The following LRRC3B variants were observed in gnomAD, a reference collection of about 807,000 sequenced individuals.
LRRC3B encodes leucine-rich repeat-containing protein 3B.
In LRRC3B, 2 loss-of-function variants were observed where a neutral mutation model predicts 12.8. The observed-to-expected ratio is 0.16, with a 90% CI of 0.06 to 0.49. LRRC3B has a LOEUF of 0.49. LRRC3B is among the 20% of genes least tolerant of loss of function. LRRC3B has a pLI of 0.96. For synonymous variants in LRRC3B, 132 were observed against 122.0 expected, an observed-to-expected ratio of 1.08 and a Z score of -0.54; for missense variants, 189 against 319.4, an observed-to-expected ratio of 0.59 and a Z score of 3.11.
chr3:26,668,072 C>A (rs1699645036), intron 1 of LRRC3B, among the ~76,000 whole-genome samples: 1 of 151,988 alleles, frequency 6.6e-6, no homozygotes, highest in Non-Finnish European at 1.5e-5. Context: ...TGGGGCATTT[C>A]TGGGTTGCAG....
At chr3:26,626,115 T>G (rs1698619646) in intron 1 of LRRC3B, among the ~76,000 whole-genome samples, 1 of 152,224 alleles carries the variant, frequency 6.6e-6, no homozygotes, top group Non-Finnish European at 1.5e-5. Flanking sequence ...TGTGAGCCCC[T>G]GTGACTAGAG....
intron 1 of LRRC3B, among the ~76,000 whole-genome samples, chr3:26,681,267 G>C (rs938613091): frequency 6.6e-6 from 1 of 152,134 alleles, no homozygotes; most frequent in Admixed American, 6.5e-5. Flanking sequence ...TGTTGATTTC[G>C]TGGGGAGAAA....
intron 1 of LRRC3B, among the ~76,000 whole-genome samples, chr3:26,686,772 G>A (rs750461078): frequency 5.3e-5 from 8 of 152,148 alleles, no homozygotes; most frequent in Non-Finnish European, 1.0e-4. Flanking sequence ...AATGGGGTGG[G>A]AAGGAATGGC....
chr3:26,674,600 G>T (rs967783256), intron 1 of LRRC3B, among the ~76,000 whole-genome samples: 4 of 152,004 alleles, frequency 2.6e-5, no homozygotes, highest in Non-Finnish European at 5.9e-5. Context: ...ATGGAAGCAG[G>T]GCCTATATTC....
intron 1 of LRRC3B, among the ~76,000 whole-genome samples, chr3:26,642,120 G>T (rs1017882654): frequency 4.6e-5 from 7 of 152,160 alleles, no homozygotes; most frequent in African/African-American, 1.7e-4. Context: ...GAAAACAGTT[G>T]AATTCTCATA....
intron 1 of LRRC3B, among the ~76,000 whole-genome samples, chr3:26,682,931 C>T (rs1256661500): frequency 6.6e-6 from 1 of 152,192 alleles, no homozygotes; most frequent in Non-Finnish European, 1.5e-5. Flanking sequence ...AATTTATACC[C>T]TGTGTTTCTC....
At chr3:26,675,315 T>G (rs1326591394) in intron 1 of LRRC3B, among the ~76,000 whole-genome samples, 1 of 152,110 alleles carries the variant, frequency 6.6e-6, no homozygotes, top group Non-Finnish European at 1.5e-5. Context: ...ACTGACAAGG[T>G]TGAGGTTGTG....
intron 1 of LRRC3B, among the ~76,000 whole-genome samples, chr3:26,698,935 T>G (rs985992460): frequency 1.3e-5 from 2 of 152,178 alleles, no homozygotes; most frequent in East Asian, 1.9e-4. Context: ...CTTTCTAGCA[T>G]TTTCTTTAAA....
chr3:26,643,209 A>AG (rs962541286), intron 1 of LRRC3B, among the ~76,000 whole-genome samples: 1 of 152,014 alleles, frequency 6.6e-6, no homozygotes, highest in Non-Finnish European at 1.5e-5. Flanking sequence ...GGAGGGACTC[A>AG]GGAATCCAGA....
chr3:26,672,506 G>GAAAC (rs1194018640), intron 1 of LRRC3B, among the ~76,000 whole-genome samples: 3 of 152,184 alleles, frequency 2.0e-5, no homozygotes, highest in Non-Finnish European at 1.5e-5. Context: ...CTTTCCTTTT[G>GAAAC]AAACAGAAGG....
intron 1 of LRRC3B, among the ~76,000 whole-genome samples, chr3:26,683,201 C>A (rs1204277002): frequency 6.6e-6 from 1 of 152,144 alleles, no homozygotes; most frequent in Non-Finnish European, 1.5e-5. Flanking sequence ...AAGAGGGCAG[C>A]AGTTTAAAAT....
At chr3:26,668,368 G>C (rs1382174016) in intron 1 of LRRC3B, among the ~76,000 whole-genome samples, 1 of 152,060 alleles carries the variant, frequency 6.6e-6, no homozygotes, top group Non-Finnish European at 1.5e-5. Flanking sequence ...AGATTTGGGG[G>C]CCATGAAATT....
rs553910997 is a variant in LRRC3B at position 26,685,067 on chromosome 3, C to T, written c.-160-24446C>T. Among the ~76,000 whole-genome samples, 146 of 152,258 alleles carry T rather than the reference C, an allele frequency of 9.6e-4. 1 individual carries two copies. Among genetic ancestry groups the T allele is most frequent in the African/African-American group, 3.4e-3 (141 of 41,556 alleles). ...CTCCAGGCTTCAACCAATTCTCCTGCCTGAGCCTCCTGCGTAGCTGGGATT... is the reference window on the plus strand; with the variant it reads ...CTCCAGGCTTCAACCAATTCTCCTGTCTGAGCCTCCTGCGTAGCTGGGATT... On this transcript the variant is annotated intron_variant, in intron 1 of 1. Coordinates refer to ENST00000396641, the Ensembl canonical transcript of LRRC3B.
chr3:26,636,693 A>G (rs1698879867), intron 1 of LRRC3B, among the ~76,000 whole-genome samples: 1 of 152,056 alleles, frequency 6.6e-6, no homozygotes, highest in Non-Finnish European at 1.5e-5. Context: ...TTAGGACAAC[A>G]GTGCTGAAAA....
intron 1 of LRRC3B, among the ~76,000 whole-genome samples, chr3:26,646,390 G>T (rs1699144696): frequency 6.6e-6 from 1 of 152,098 alleles, no homozygotes; most frequent in Admixed American, 6.5e-5. Flanking sequence ...TCAGGGTAAA[G>T]AACTTATATT....
chr3:26,694,622 C>A (rs976971537), intron 1 of LRRC3B: 2 of 152,112 alleles, frequency 1.3e-5, no homozygotes, highest in Non-Finnish European at 2.9e-5. Flanking sequence ...AACTGACATG[C>A]GGAACAATTA....
chr3:26,642,219 A>G (rs1246089553), intron 1 of LRRC3B, among the ~76,000 whole-genome samples: 2 of 152,206 alleles, frequency 1.3e-5, no homozygotes, highest in African/African-American at 4.8e-5. Context: ...AGAATAAAAA[A>G]GGCAAATCAC....
chr3:26,699,722 A>C (rs1700407512), intron 1 of LRRC3B, among the ~76,000 whole-genome samples: 1 of 152,152 alleles, frequency 6.6e-6, no homozygotes. Flanking sequence ...TGTAGATTAG[A>C]TGTTAAAAGT....
chr3:26,623,071 G>T (rs529325363), exon 1 of LRRC3B: 1 of 152,206 alleles, frequency 6.6e-6, no homozygotes, highest in Admixed American at 6.5e-5. Context: ...CGGGAGCCAA[G>T]CCCGCCGGGC....
Sources: allele counts gnomAD v4.1 joint callset (sites outside exome capture counted in the v4.1 genomes callset), GRCh38; gene constraint gnomAD v4.1.1; transcripts MANE v1.5; gene names NCBI Gene and HGNC (gene_info 2026-07-23, HGNC 2026-07-21).